Variants in ALKAL1 observed in about 807,000 individuals in gnomAD.
The protein encoded by ALKAL1 is AUG-beta.
A neutral mutation model predicts 13.5 loss-of-function variants in ALKAL1; 23 were observed. The observed-to-expected ratio is 1.70, with a 90% CI of 1.23 to 2.41. ALKAL1 has a LOEUF of 2.41. ALKAL1 is among the 30% of genes most tolerant of loss of function. ALKAL1 has a pLI of 0.00. For missense variants in ALKAL1, 181 were observed against 178.4 expected (o/e 1.01, Z -0.08); for synonymous variants, 85 against 77.7 (o/e 1.09, Z -0.49).
chr8:52,541,955 T>G (rs901252607), intron 2 of ALKAL1, among the ~76,000 whole-genome samples: 2 of 151,996 alleles, frequency 1.3e-5, no homozygotes, highest in Admixed American at 1.3e-4. Flanking sequence ...GCCACATATT[T>G]GACCAGGGCC....
At position 52,562,372 on chromosome 8, in the gene ALKAL1, GTCAACAATGTT is replaced by G. The variant is rs200751702; in HGVS notation, c.190+2684_190+2694del. Among the ~76,000 whole-genome samples the G allele has an allele frequency of 3.3e-4, 50 of 152,270 alleles. No homozygotes were observed. The East Asian group carries it at 9.1e-3, about 28-fold the overall frequency. On this transcript the variant is annotated intron_variant, in intron 1 of 4. Transcript: ENST00000358543. Reference sequence around the variant, plus strand: ...TGAATTGTGCTCCTCAAGCACAATGGTCAACAATGTTGCCCATCCCAACGACCTCAGCTGTG... The same window carrying G: ...TGAATTGTGCTCCTCAAGCACAATGGGCCCATCCCAACGACCTCAGCTGTG...
Position 52,534,515 on chromosome 8 carries a change from T to C in ALKAL1, c.*98A>G. 1 of 561,092 alleles carries C rather than the reference T, an allele frequency of 1.8e-6. No homozygotes were observed. The highest frequency in any genetic ancestry group is 3.1e-6 in the Non-Finnish European group (1 of 322,004). 34.8% of individuals were successfully genotyped at this position (561,092 alleles called of 1,614,324 possible). ...CTTATTTTACTCATCTTAATATCCA[T>C]AAAAATATAAATTTCATCTTTTTTT... On this transcript the variant is annotated 3_prime_UTR_variant, in exon 5 of 5. Coordinates refer to ENST00000358543, the MANE Select transcript of ALKAL1 (RefSeq NM_207413.4).
intron 2 of ALKAL1, 55 bp downstream of exon 2, chr8:52,542,337 C>A: frequency 8.4e-7 from 1 of 1,183,596 alleles, no homozygotes; most frequent in South Asian, 1.3e-5. Context: ...ACATAGTATT[C>A]TGCACACAGT....
At chr8:52,542,493 C>T (rs1401970849) in intron 1 of ALKAL1, 48 bp from the exon 2 acceptor site, 1 of 1,186,010 alleles carries the variant, frequency 8.4e-7, no homozygotes, top group Non-Finnish European at 1.2e-6. Flanking sequence ...GCATTTCTCC[C>T]ATTTAAAAAT....
intron 1 of ALKAL1, among the ~76,000 whole-genome samples, chr8:52,551,982 C>A (rs984244803): frequency 6.6e-6 from 1 of 152,118 alleles, no homozygotes; most frequent in African/African-American, 2.4e-5. Flanking sequence ...ATTAGTGAAC[C>A]AATACTGGTA....
At chr8:52,552,080 C>T (rs1199935208) in intron 1 of ALKAL1, among the ~76,000 whole-genome samples, 4 of 152,100 alleles carry the variant, frequency 2.6e-5, no homozygotes, top group Non-Finnish European at 5.9e-5. Context: ...CCACATTGCA[C>T]TTAGTCATCA....
intron 4 of ALKAL1, among the ~76,000 whole-genome samples, chr8:52,537,003 T>C (rs1021474711): frequency 6.6e-6 from 1 of 152,150 alleles, no homozygotes; most frequent in African/African-American, 2.4e-5. Flanking sequence ...TATTCAAACA[T>C]TTTCTTAAGA....
intron 1 of ALKAL1, among the ~76,000 whole-genome samples, chr8:52,546,911 A>C (rs1847374956): frequency 2.6e-5 from 4 of 152,154 alleles, no homozygotes; most frequent in Admixed American, 2.6e-4. Flanking sequence ...TGCCCAAAAT[A>C]TTGACTATGT....
At chr8:52,550,331 C>A (rs1183981979) in intron 1 of ALKAL1, among the ~76,000 whole-genome samples, 3 of 152,180 alleles carry the variant, frequency 2.0e-5, no homozygotes, top group Non-Finnish European at 4.4e-5. Context: ...GTTAGAAATG[C>A]AAACCAAGCC....
At chr8:52,562,718 G>A (rs747884080) in intron 1 of ALKAL1, among the ~76,000 whole-genome samples, 30 of 152,194 alleles carry the variant, frequency 2.0e-4, no homozygotes, top group Non-Finnish European at 3.7e-4. Context: ...GAACAGGTAC[G>A]TTAGGCCTGG....
At chr8:52,535,550 C>CAAAAAAAAAAAAAAAAAAAAAGAA (rs1847257278) in intron 4 of ALKAL1, among the ~76,000 whole-genome samples, 1 of 68,630 alleles carries the variant, frequency 1.5e-5, no homozygotes, top group Non-Finnish European at 2.6e-5. Context: ...GACCCTGTCT[C>CAAAAAAAAAAAAAAAAAAAAAGAA]AAAAAAAAAA....
At chr8:52,542,119 TTAAATACTG>T (rs1051460892) in intron 2 of ALKAL1, among the ~76,000 whole-genome samples, 3 of 152,358 alleles carry the variant, frequency 2.0e-5, no homozygotes, top group Admixed American at 6.5e-5. Flanking sequence ...AAAGCCCACC[TTAAATACTG>T]TGTCTACTAC....
In ALKAL1 at chr8:52,547,105, T is replaced by C. The variant is rs150544353; in HGVS notation, c.191-4660A>G. Among the ~76,000 whole-genome samples, 463 of 152,358 alleles carry C rather than the reference T, an allele frequency of 3.0e-3. 2 individuals carry two copies. The highest frequency in any genetic ancestry group is 5.0e-3 in the Admixed American group (76 of 15,308). Reference sequence around the variant, plus strand: ...TTTGAATATAAATCTGTATTAATTTTTCAATAAAAAACTGATTGAAAATGA... The same window carrying C: ...TTTGAATATAAATCTGTATTAATTTCTCAATAAAAAACTGATTGAAAATGA... On this transcript the variant is annotated intron_variant, in intron 1 of 4. Transcript: ENST00000358543.
chr8:52,554,190 C>T (rs1176320667), intron 1 of ALKAL1, among the ~76,000 whole-genome samples: 1 of 152,196 alleles, frequency 6.6e-6, no homozygotes. Flanking sequence ...CACCATTGCA[C>T]TCCAGCCTGG....
At chr8:52,564,451 T>G (rs1847580515) in intron 1 of ALKAL1, among the ~76,000 whole-genome samples, 2 of 152,202 alleles carry the variant, frequency 1.3e-5, no homozygotes, top group Non-Finnish European at 2.9e-5. Context: ...CAGCGACTTT[T>G]TCCTCCCTCA....
chr8:52,562,726 T>C (rs895831745), intron 1 of ALKAL1, among the ~76,000 whole-genome samples: 1 of 152,158 alleles, frequency 6.6e-6, no homozygotes, highest in Non-Finnish European at 1.5e-5. Context: ...ACGTTAGGCC[T>C]GGGTGATGGT....
intron 1 of ALKAL1, among the ~76,000 whole-genome samples, chr8:52,554,995 C>G (rs897140826): frequency 1.3e-5 from 2 of 152,050 alleles, no homozygotes; most frequent in Non-Finnish European, 2.9e-5. Context: ...CACGGAGAAA[C>G]CCCATCTCTA....
At position 52,534,155 on chromosome 8, in the gene ALKAL1, TAA is replaced by T. The variant is rs1847246020; in HGVS notation, c.*456_*457del. On this transcript the variant is annotated 3_prime_UTR_variant, in exon 5 of 5. Transcript: ENST00000358543. ...ACAACAAGTTCTAAATAAATGTATT[TAA>T]ATATTAAATAAGAATTATAAAATTT... is the stretch of plus-strand genomic sequence containing the variant. The T allele has an allele frequency of 6.6e-6, 1 of 152,198 alleles. No individual in the cohort carries two copies. Among genetic ancestry groups the T allele is most frequent in the South Asian group, 2.1e-4 (1 of 4,830 alleles). The allele number at this position is 152,198 out of a possible 1,614,324, so 9.4% of individuals were successfully genotyped here.
At chr8:52,544,786 T>C (rs1847350980) in intron 1 of ALKAL1, among the ~76,000 whole-genome samples, 1 of 152,090 alleles carries the variant, frequency 6.6e-6, no homozygotes, top group African/African-American at 2.4e-5. Flanking sequence ...TGTGAGATGA[T>C]GGATATGATT....
Sources: gnomAD v4.1 joint callset for allele counts (sites outside exome capture counted in the v4.1 genomes callset) on GRCh38, gnomAD v4.1.1 for gene constraint, MANE v1.5 for transcripts, NCBI Gene and HGNC (gene_info 2026-07-23, HGNC 2026-07-21) for gene names.